The following LRRC1 variants were observed in gnomAD, a reference collection of about 807,000 sequenced individuals.
The protein encoded by LRRC1 is leucine rich repeat containing 1, also known as leucine-rich repeat-containing protein 1.
Under a neutral mutation model 69.9 loss-of-function variants are expected in LRRC1, and 28 were observed. That is an observed-to-expected ratio of 0.40 (90% CI 0.30 to 0.55). LRRC1 has a LOEUF of 0.55. Among genes scored for constraint, LRRC1 ranks in the 20% least tolerant of loss-of-function variants. The pLI is 0.47. For synonymous variants in LRRC1, 236 were observed against 240.2 expected (o/e 0.98, Z 0.16); for missense variants, 498 against 609.0 (o/e 0.82, Z 1.92).
At chr6:53,804,041 A>G in intron 1 of LRRC1, among the ~76,000 whole-genome samples, 1 of 152,184 alleles carries the variant, frequency 6.6e-6, no homozygotes, top group East Asian at 1.9e-4. Flanking sequence ...GCTTGACTTG[A>G]TCTGGAAGAT....
intron 10 of LRRC1, chr6:53,904,740 C>T: frequency 5.2e-6 from 1 of 190,562 alleles, no homozygotes; most frequent in Non-Finnish European, 1.1e-5. Flanking sequence ...ATGGTGACAC[C>T]ATTGGCAGAA....
intron 1 of LRRC1, among the ~76,000 whole-genome samples, chr6:53,807,280 C>G (rs1764660109): frequency 6.6e-6 from 1 of 152,164 alleles, no homozygotes; most frequent in African/African-American, 2.4e-5. Context: ...CCTCCCTCCT[C>G]CTTCCCTCAT....
chr6:53,854,837 A>T (rs2127420810), intron 2 of LRRC1, among the ~76,000 whole-genome samples: 2 of 152,302 alleles, frequency 1.3e-5, no homozygotes, highest in South Asian at 4.1e-4. Context: ...TTCACTTAAC[A>T]TAGGTTGTAA....
chr6:53,922,512 C>A, intron 13 of LRRC1, 123 bp from the exon 14 acceptor site: 1 of 840,902 alleles, frequency 1.2e-6, no homozygotes, highest in Non-Finnish European at 1.8e-6. Context: ...AAAGCTTTTC[C>A]ACCCATTTTA....
intron 1 of LRRC1, among the ~76,000 whole-genome samples, chr6:53,819,245 G>T (rs1446144960): frequency 1.3e-5 from 2 of 152,120 alleles, no homozygotes; most frequent in African/African-American, 4.8e-5. Context: ...AAGGAAGTTC[G>T]GGTATCTTTT....
intron 3 of LRRC1, among the ~76,000 whole-genome samples, chr6:53,881,932 T>G (rs1005045996): frequency 6.6e-6 from 1 of 152,260 alleles, no homozygotes; most frequent in South Asian, 2.1e-4. Context: ...TGATTTTATT[T>G]TAAAGCCTTG....
intron 6 of LRRC1, 113 bp downstream of exon 6, chr6:53,897,005 TG>T: frequency 1.4e-6 from 1 of 722,462 alleles, no homozygotes; most frequent in Admixed American, 2.6e-5. Flanking sequence ...AGATGTAACT[TG>T]GGGACACTAG....
At chr6:53,891,453 A>G (rs574091240) in intron 4 of LRRC1, among the ~76,000 whole-genome samples, 1 of 152,106 alleles carries the variant, frequency 6.6e-6, no homozygotes, top group South Asian at 2.1e-4. Flanking sequence ...AAATGAGACA[A>G]AAAAAATCTG....
At chr6:53,823,069 C>T (rs1765160364) in intron 1 of LRRC1, among the ~76,000 whole-genome samples, 1 of 152,176 alleles carries the variant, frequency 6.6e-6, no homozygotes, top group Admixed American at 6.5e-5. Flanking sequence ...TTCTCCAGGT[C>T]CCTTGATCCT....
intron 1 of LRRC1, among the ~76,000 whole-genome samples, chr6:53,816,099 G>A (rs887572354): frequency 6.6e-6 from 1 of 152,114 alleles, no homozygotes; most frequent in East Asian, 1.9e-4. Flanking sequence ...TTTGGCAAAC[G>A]CATGAAGGTG....
At chr6:53,802,402 T>A (rs1764512490) in intron 1 of LRRC1, among the ~76,000 whole-genome samples, 1 of 152,230 alleles carries the variant, frequency 6.6e-6, no homozygotes, top group African/African-American at 2.4e-5. Flanking sequence ...CTGCTCTTTC[T>A]ACTATGCCGC....
chr6:53,842,124 A>G lies in LRRC1; in HGVS notation c.174A>G (p.Leu58=), dbSNP rs200584999. The G allele has an allele frequency of 2.3e-3, 3,761 of 1,611,646 alleles. 112 individuals carry two copies. In the South Asian group the frequency reaches 0.039, roughly 17 times the overall value. ...LRELPEQFFQ[L]VKLRKLGLSD... ...TTGTCTTTCAGCAATTTTTCCAGCT[A>G]GTCAAATTACGAAAGCTTGGACTTA... The change falls in exon 2 of 14, where the codon CTA becomes CTG. Residue 58 remains leucine (L), a synonymous_variant. Coordinates refer to ENST00000370888, the MANE Select transcript of LRRC1 (RefSeq NM_018214.5).
chr6:53,902,995 T>C (rs1418968365), intron 9 of LRRC1, among the ~76,000 whole-genome samples: 2 of 152,144 alleles, frequency 1.3e-5, no homozygotes, highest in African/African-American at 4.8e-5. Context: ...GCCTCACAGA[T>C]GTCTCCAGTG....
chr6:53,907,060 T>C (rs1768264952), intron 10 of LRRC1, among the ~76,000 whole-genome samples: 3 of 152,230 alleles, frequency 2.0e-5, no homozygotes, highest in South Asian at 2.1e-4. Context: ...TTGCATCACG[T>C]TGGCCCAGGC....
rs150515235 is a variant in LRRC1, at chr6:53,827,483, G to A, written c.160-14627G>A. Among the ~76,000 whole-genome samples, 100 of 152,274 alleles carry A rather than the reference G, an allele frequency of 6.6e-4. 2 individuals are homozygous for A. Among genetic ancestry groups the A allele is most frequent in the African/African-American group, 2.2e-3 (91 of 41,542 alleles). ...TCTCTTGAAGGAGCAGAGGCAAAAT[G>A]CGTTGGAGAATCACCTTAATTTTTT... On this transcript the variant is annotated intron_variant, in intron 1 of 13. Transcript: ENST00000370888.
Position 53,920,892 on chromosome 6 carries a change from T to C in LRRC1, c.1416+131T>C. ...TGCCTTCAGCATTTAGGAATTTTTT[T>C]AGAAGACAAAGATAGGTAATTCTAG... On this transcript the variant is annotated intron_variant, in intron 13 of 13. Transcript: ENST00000370888. 3 of 1,038,240 alleles carry C rather than the reference T, an allele frequency of 2.9e-6. No individual in the cohort carries two copies. In the South Asian group the frequency reaches 5.0e-5, roughly 17 times the overall value. The allele number at this position is 1,038,240 out of a possible 1,614,324, so 64.3% of individuals were successfully genotyped here.
At chr6:53,810,341 C>T (rs1764755551) in intron 1 of LRRC1, among the ~76,000 whole-genome samples, 1 of 152,332 alleles carries the variant, frequency 6.6e-6, no homozygotes, top group Non-Finnish European at 1.5e-5. Context: ...GCTTTTACGA[C>T]TGGGCATGGT....
At chr6:53,851,235 A>G (rs938916092) in intron 2 of LRRC1, among the ~76,000 whole-genome samples, 1 of 151,808 alleles carries the variant, frequency 6.6e-6, no homozygotes, top group Non-Finnish European at 1.5e-5. Flanking sequence ...AATCATATAT[A>G]TATGAATCTA....
chr6:53,814,962 C>G (rs1272466943), intron 1 of LRRC1, among the ~76,000 whole-genome samples: 1 of 152,198 alleles, frequency 6.6e-6, no homozygotes, highest in Non-Finnish European at 1.5e-5. Context: ...AGGCTCACCG[C>G]CGAGCCTCTT....
Sources: allele counts gnomAD v4.1 joint callset (sites outside exome capture counted in the v4.1 genomes callset), GRCh38; gene constraint gnomAD v4.1.1; transcripts MANE v1.5; gene names NCBI Gene and HGNC (gene_info 2026-07-23, HGNC 2026-07-21).